Variants in ESRRG observed in about 807,000 individuals in gnomAD.
The protein encoded by ESRRG is estrogen related receptor gamma.
A neutral mutation model predicts 44.0 loss-of-function variants in ESRRG; 13 were observed. The ratio of observed to expected loss-of-function variants is 0.30; its 90% CI spans 0.19 to 0.47. ESRRG has a LOEUF of 0.47. Among genes scored for constraint, ESRRG ranks in the 20% least tolerant of loss-of-function variants. ESRRG has a pLI of 1.00. For synonymous variants in ESRRG, 215 were observed against 214.6 expected, an observed-to-expected ratio of 1.00 and a Z score of -0.02; for missense variants, 395 against 580.6, an observed-to-expected ratio of 0.68 and a Z score of 3.29.
intron 1 of ESRRG, among the ~76,000 whole-genome samples, chr1:217,135,519 G>GGC (rs1336199569): frequency 9.2e-5 from 14 of 151,758 alleles, no homozygotes; most frequent in Admixed American, 5.3e-4. Context: ...CTGAGCAAGG[G>GGC]GCGCGCGCGC....
At chr1:216,993,749 G>T (rs1209857051) in intron 1 of ESRRG, among the ~76,000 whole-genome samples, 1 of 152,130 alleles carries the variant, frequency 6.6e-6, no homozygotes, top group Non-Finnish European at 1.5e-5. Flanking sequence ...AAAATATTGG[G>T]TAGAGATTGC....
chr1:216,965,135 T>C (rs1412654845), intron 1 of ESRRG, among the ~76,000 whole-genome samples: 1 of 150,538 alleles, frequency 6.6e-6, no homozygotes, highest in African/African-American at 2.4e-5. Flanking sequence ...TCAAATGTTA[T>C]GCAACCGAAA....
In ESRRG at chr1:216,976,272, G is replaced by A. The variant is rs576715570; in HGVS notation, c.-105-36599C>T. Among the ~76,000 whole-genome samples the A allele has an allele frequency of 2.7e-5, 4 of 146,352 alleles. 1 individual carries two copies. In the South Asian group the frequency reaches 9.1e-4, roughly 33 times the overall value. ...AAGCATAACCCAGCACTTCAAAGTA[G>A]AAAATGCTCCTAAATGTGTGTGTGT... On this transcript the variant is annotated intron_variant, in intron 1 of 7. Transcript: ENST00000359162.
At chr1:216,938,411 T>A (rs1346306390) in intron 2 of ESRRG, among the ~76,000 whole-genome samples, 1 of 152,116 alleles carries the variant, frequency 6.6e-6, no homozygotes. Context: ...ACTGAATGAT[T>A]TGGGGCCAGA....
At chr1:216,652,404 A>G (rs2069230624) in intron 2 of ESRRG, among the ~76,000 whole-genome samples, 1 of 152,148 alleles carries the variant, frequency 6.6e-6, no homozygotes, top group African/African-American at 2.4e-5. Flanking sequence ...TAGCACAAAG[A>G]CTCAACTACT....
At chr1:216,547,265 A>ATGATGG (rs2054825138) in intron 5 of ESRRG, among the ~76,000 whole-genome samples, 1 of 151,814 alleles carries the variant, frequency 6.6e-6, no homozygotes, top group Non-Finnish European at 1.5e-5. Flanking sequence ...GATGATGATG[A>ATGATGG]TGATGATGAT....
intron 2 of ESRRG, among the ~76,000 whole-genome samples, chr1:216,784,008 C>G (rs1044963926): frequency 7.2e-5 from 11 of 152,048 alleles, no homozygotes; most frequent in African/African-American, 2.4e-4. Context: ...CACCATGCCT[C>G]TTGCTTTTCT....
intron 2 of ESRRG, among the ~76,000 whole-genome samples, chr1:216,918,290 G>A (rs2061425437): frequency 6.6e-6 from 1 of 151,912 alleles, no homozygotes. Context: ...CTAATGAATG[G>A]AATCAGCTGT....
At chr1:216,568,165 G>C (rs2060020526) in intron 3 of ESRRG, 67 bp from the exon 4 acceptor site, 1 of 1,073,066 alleles carries the variant, frequency 9.3e-7, no homozygotes, top group African/African-American at 1.5e-5. Flanking sequence ...CAAATACCTA[G>C]ATGGTATCCC....
At chr1:216,977,367 CACACATAT>C (rs1408801082) in intron 1 of ESRRG, among the ~76,000 whole-genome samples, 1 of 151,726 alleles carries the variant, frequency 6.6e-6, no homozygotes, top group East Asian at 1.9e-4. Context: ...CACACACACA[CACACATAT>C]ACATATAGAT....
At chr1:216,873,560 C>A (rs1036633951) in intron 2 of ESRRG, among the ~76,000 whole-genome samples, 15 of 152,080 alleles carry the variant, frequency 9.9e-5, no homozygotes, top group Admixed American at 7.9e-4. Flanking sequence ...AAGCTCTTAA[C>A]CAATGGATTC....
chr1:216,835,313 A>T (rs1012426827), intron 2 of ESRRG, among the ~76,000 whole-genome samples: 5 of 152,188 alleles, frequency 3.3e-5, no homozygotes, highest in African/African-American at 1.2e-4. Flanking sequence ...GTGGAAGAAG[A>T]TTATATACAC....
chr1:216,657,295 A>G (rs1341237316), intron 2 of ESRRG, among the ~76,000 whole-genome samples: 1 of 152,120 alleles, frequency 6.6e-6, no homozygotes, highest in African/African-American at 2.4e-5. Context: ...TAAGGGAGTT[A>G]TTTGTTTTTC....
intron 1 of ESRRG, among the ~76,000 whole-genome samples, chr1:216,957,161 C>A (rs1234045114): frequency 2.0e-5 from 3 of 152,118 alleles, no homozygotes; most frequent in Non-Finnish European, 4.4e-5. Context: ...CTTCTTTTAT[C>A]TACTCTCTGT....
rs181835935 is a variant in ESRRG, at chr1:216,932,072, C to T, written c.-14+7510G>A. Among the ~76,000 whole-genome samples, 670 of 152,020 alleles carry T rather than the reference C, an allele frequency of 4.4e-3. 4 individuals carry two copies. The highest frequency in any genetic ancestry group is 0.015 in the African/African-American group (643 of 41,484). The stretch of plus-strand genomic sequence containing the variant: ...TATAAAAATCAGCCGGACATGGTGG[C>T]GTGCACCTGTAATCCGAGTTACTCA... On this transcript the variant is annotated intron_variant, in intron 2 of 7. Coordinates refer to the ESRRG transcript ENST00000359162.
intron 2 of ESRRG, among the ~76,000 whole-genome samples, chr1:216,915,856 G>T (rs568626190): frequency 1.3e-5 from 2 of 152,262 alleles, no homozygotes; most frequent in Non-Finnish European, 2.9e-5. Context: ...GTACTACCTT[G>T]GGCTTCCAAA....
chr1:216,947,085 T>C (rs922577394), intron 1 of ESRRG, among the ~76,000 whole-genome samples: 1 of 152,198 alleles, frequency 6.6e-6, no homozygotes, highest in Admixed American at 6.5e-5. Flanking sequence ...AGCATCTATT[T>C]TTTTTAATCA....
chr1:217,032,955 C>T (rs539681964), intron 1 of ESRRG, among the ~76,000 whole-genome samples: 2 of 152,254 alleles, frequency 1.3e-5, no homozygotes, highest in South Asian at 2.1e-4. Flanking sequence ...TGATAGCCTT[C>T]GGCACAGACC....
At chr1:216,918,476 A>G (rs1050560818) in intron 2 of ESRRG, among the ~76,000 whole-genome samples, 5 of 152,188 alleles carry the variant, frequency 3.3e-5, no homozygotes, top group African/African-American at 1.2e-4. Context: ...TTTCTTCTCT[A>G]TAATTCTAGA....
Sources: gnomAD v4.1 joint callset for allele counts (sites outside exome capture counted in the v4.1 genomes callset) on GRCh38, gnomAD v4.1.1 for gene constraint, MANE v1.5 for transcripts, NCBI Gene and HGNC (gene_info 2026-07-23, HGNC 2026-07-21) for gene names.